AGBL4: variants seen among roughly 807,000 people sequenced by gnomAD.
AGBL4 encodes the protein AGBL carboxypeptidase 4, also known as cytosolic carboxypeptidase 6.
A neutral mutation model predicts 66.4 loss-of-function variants in AGBL4; 58 were observed. The ratio of observed to expected loss-of-function variants is 0.87; its 90% confidence interval spans 0.71 to 1.09. The LOEUF (loss-of-function observed/expected upper bound fraction) is 1.09, where lower values mean the gene tolerates loss of function less well. Among genes scored for constraint, AGBL4 ranks in the 50% least tolerant of loss-of-function variants. The pLI, the probability that AGBL4 is intolerant of heterozygous loss-of-function variation, is 0.00. For synonymous variants in AGBL4, 234 were observed against 222.9 expected (o/e 1.05, Z -0.44); for missense variants, 579 against 631.0 (o/e 0.92, Z 0.88).
chr1:49,438,866 C>T (rs187671801), intron 3 of AGBL4, among the ~76,000 whole-genome samples: 20 of 152,224 alleles, frequency 1.3e-4, no homozygotes, highest in Middle Eastern at 3.4e-3. Flanking sequence ...GTTCTGGAGA[C>T]GCAGAAGTCC....
chr1:49,212,525 C>T lies in AGBL4; in HGVS notation c.377+33245G>A, dbSNP rs550546261. 2.6e-4 allele frequency among the ~76,000 whole-genome samples: 39 copies of T among 152,154 alleles called. 1 individual carries two copies. Among genetic ancestry groups the T allele is most frequent in the Middle Eastern group, 3.4e-3 (1 of 294 alleles). On this transcript the variant is annotated intron_variant, in intron 4 of 13. Transcript: ENST00000371839. ...AGATAACTTTCAGATGGCTTCCAAA[C>T]GAAACCAAATGTTTAAACAAGCTGC...
chr1:49,691,812 C>T (rs1646892845), intron 3 of AGBL4, among the ~76,000 whole-genome samples: 1 of 152,068 alleles, frequency 6.6e-6, no homozygotes, highest in African/African-American at 2.4e-5. Flanking sequence ...AAAAGAGAGA[C>T]TGGACTAGTC....
intron 4 of AGBL4, among the ~76,000 whole-genome samples, chr1:49,076,423 C>T (rs543735675): frequency 3.9e-5 from 6 of 152,064 alleles, no homozygotes; most frequent in Admixed American, 6.6e-5. Context: ...GATGCAGAAC[C>T]AGAGACAGGG....
At chr1:48,762,612 TTTTGTGTGTGTGTGTGTGTGTGTGTG>T (rs1342156107) in intron 6 of AGBL4, among the ~76,000 whole-genome samples, 8 of 127,864 alleles carry the variant, frequency 6.3e-5, no homozygotes, top group South Asian at 2.4e-4. Flanking sequence ...TCTTTAAGGG[TTTTGTGTGTGTGTGTGTGTGTGTGTG>T]TGTGTGTGTG....
intron 3 of AGBL4, among the ~76,000 whole-genome samples, chr1:49,463,249 G>A (rs1260944890): frequency 6.6e-6 from 1 of 151,660 alleles, no homozygotes; most frequent in African/African-American, 2.4e-5. Flanking sequence ...TCTAGCCCAT[G>A]CCTGACACTC....
chr1:48,531,676 A>T (rs903143857), downstream of AGBL4, among the ~76,000 whole-genome samples: 1 of 152,132 alleles, frequency 6.6e-6, no homozygotes, highest in Non-Finnish European at 1.5e-5. Flanking sequence ...GCACAGAACA[A>T]GTTTGCTTCT....
At chr1:49,726,259 A>G (rs1649026487) in intron 2 of AGBL4, among the ~76,000 whole-genome samples, 1 of 152,184 alleles carries the variant, frequency 6.6e-6, no homozygotes, top group Non-Finnish European at 1.5e-5. Flanking sequence ...GCATAATTTA[A>G]AAGTGGCATT....
chr1:49,623,962 G>A (rs1357548090), intron 3 of AGBL4, among the ~76,000 whole-genome samples: 1 of 151,974 alleles, frequency 6.6e-6, no homozygotes, highest in Non-Finnish European at 1.5e-5. Context: ...TCTGTAGAAT[G>A]AGAATAAAAC....
At position 48,946,315 on chromosome 1, in the gene AGBL4, T is replaced by G. The variant is rs114793829; in HGVS notation, c.595-79085A>C. Among the ~76,000 whole-genome samples the G allele has an allele frequency of 8.3e-4, 127 of 152,290 alleles. No individual in the cohort carries two copies. In the Middle Eastern group the frequency reaches 0.014, roughly 16 times the overall value. On this transcript the variant is annotated intron_variant, in intron 5 of 13. Coordinates refer to ENST00000371839, the MANE Select transcript of AGBL4 (RefSeq NM_032785.4). Reference sequence around the variant, plus strand: ...GACCCATGAACCATTCAGTAAACATTTGCTGAATGAATGGACAAATAATAC... The same window carrying G: ...GACCCATGAACCATTCAGTAAACATGTGCTGAATGAATGGACAAATAATAC...
At chr1:49,010,136 A>T (rs911197365) in intron 5 of AGBL4, among the ~76,000 whole-genome samples, 2 of 152,216 alleles carry the variant, frequency 1.3e-5, no homozygotes, top group Non-Finnish European at 2.9e-5. Context: ...AACTCCATTG[A>T]CTCAGCCCAA....
At chr1:48,815,840 C>G (rs543205918) in intron 6 of AGBL4, among the ~76,000 whole-genome samples, 54 of 152,280 alleles carry the variant, frequency 3.5e-4, no homozygotes, top group African/African-American at 1.3e-3. Context: ...GTTCTAATTA[C>G]AACGCTAATG....
chr1:49,183,844 A>T (rs945604512), intron 4 of AGBL4, among the ~76,000 whole-genome samples: 6 of 152,138 alleles, frequency 3.9e-5, no homozygotes, highest in African/African-American at 1.4e-4. Flanking sequence ...GACTTCCTTG[A>T]CCTGACCACT....
At chr1:49,828,463 A>T (rs1271155020) in intron 2 of AGBL4, among the ~76,000 whole-genome samples, 1 of 152,206 alleles carries the variant, frequency 6.6e-6, no homozygotes, top group East Asian at 1.9e-4. Context: ...CCAGAAAAAA[A>T]AATTTGGCTG....
intron 3 of AGBL4, among the ~76,000 whole-genome samples, chr1:49,263,062 A>C (rs530964576): frequency 6.6e-6 from 1 of 152,032 alleles, no homozygotes; most frequent in African/African-American, 2.4e-5. Flanking sequence ...AGGACAAAAA[A>C]CCAAACACCG....
intron 3 of AGBL4, among the ~76,000 whole-genome samples, chr1:49,495,553 A>G (rs1647474433): frequency 6.6e-6 from 1 of 152,012 alleles, no homozygotes; most frequent in Admixed American, 6.6e-5. Flanking sequence ...GAACAAAAAA[A>G]AAAACCAGGT....
intron 2 of AGBL4, among the ~76,000 whole-genome samples, chr1:49,794,515 A>G (rs770114814): frequency 1.3e-5 from 2 of 151,954 alleles, no homozygotes; most frequent in Non-Finnish European, 2.9e-5. Context: ...TAGGATTCCA[A>G]TCATGTCTAA....
chr1:49,377,189 G>A (rs1166942538), intron 3 of AGBL4, among the ~76,000 whole-genome samples: 1 of 151,986 alleles, frequency 6.6e-6, no homozygotes, highest in African/African-American at 2.4e-5. Flanking sequence ...AGGAGATGGG[G>A]GCTAAAATAA....
chr1:48,975,446 C>T (rs1200851537), intron 5 of AGBL4, among the ~76,000 whole-genome samples: 3 of 152,074 alleles, frequency 2.0e-5, no homozygotes, highest in Non-Finnish European at 4.4e-5. Context: ...CTATGGCAAG[C>T]TCCAGTAGGA....
intron 4 of AGBL4, among the ~76,000 whole-genome samples, chr1:49,237,767 G>A (rs751421145): frequency 8.6e-5 from 13 of 151,800 alleles, no homozygotes; most frequent in South Asian, 2.1e-4. Flanking sequence ...AGAAAAAAAG[G>A]TCTACAGTAT....
Sources: gnomAD v4.1 joint callset for allele counts (sites outside exome capture counted in the v4.1 genomes callset) on GRCh38, gnomAD v4.1.1 for gene constraint, MANE v1.5 for transcripts, NCBI Gene and HGNC (gene_info 2026-07-23, HGNC 2026-07-21) for gene names.